Variants in POU2F3 observed in about 807,000 individuals in gnomAD.
POU2F3 encodes the protein POU domain, class 2, transcription factor 3.
In POU2F3, 23 loss-of-function variants were observed where a neutral mutation model predicts 59.2. The observed-to-expected ratio is 0.39, with a 90% CI of 0.28 to 0.55. The LOEUF (loss-of-function observed/expected upper bound fraction) is 0.55. Ranked by LOEUF, POU2F3 falls within the 20% of genes least tolerant of loss-of-function variation. POU2F3 has a pLI of 0.66. For missense variants in POU2F3, 473 were observed against 544.5 expected, an observed-to-expected ratio of 0.87 and a Z score of 1.31; for synonymous variants, 190 against 214.6, an observed-to-expected ratio of 0.89 and a Z score of 1.00.
chr11:120,241,843 C>T (rs796436137), intron 1 of POU2F3, among the ~76,000 whole-genome samples: 7 of 152,146 alleles, frequency 4.6e-5, no homozygotes, highest in African/African-American at 1.4e-4. Flanking sequence ...AGGGAGGCAG[C>T]CTGGGGCCTC....
Position 120,246,501 on chromosome 11 carries a change from C to T in POU2F3, c.81C>T (p.Leu27=), listed in dbSNP as rs1459831255. ...ATTCCACGGATGCTCGCAGCACTCT[C>T]AGCCAGGTGGAGCCAGGTAAGGGTC... ...VADSTDARST[L]SQVEPGNDRN... is the part of the protein sequence containing the mutation. The change falls in exon 2 of 13, where the codon CTC becomes CTT. Residue 27 remains leucine, a synonymous_variant. Transcript: ENST00000543440. 4.3e-6 allele frequency: 7 copies of T among 1,613,344 alleles called. No individual in the cohort carries two copies. The East Asian group carries it at 1.6e-4, about 36-fold the overall frequency.
chr11:120,272,566 G>C (rs1291520950), intron 3 of POU2F3, among the ~76,000 whole-genome samples: 1 of 152,256 alleles, frequency 6.6e-6, no homozygotes, highest in African/African-American at 2.4e-5. Flanking sequence ...TGCCCTGGGT[G>C]AAGCTCCTGT....
chr11:120,314,198 T>C (rs188019003), intron 10 of POU2F3, among the ~76,000 whole-genome samples: 20 of 152,272 alleles, frequency 1.3e-4, no homozygotes, highest in African/African-American at 4.6e-4. Flanking sequence ...GAAAAGTAAA[T>C]GAAAACAGGA....
chr11:120,286,721 A>C (rs1166899044), intron 3 of POU2F3, among the ~76,000 whole-genome samples: 1 of 152,118 alleles, frequency 6.6e-6, no homozygotes, highest in Non-Finnish European at 1.5e-5. Context: ...TTGTTGTCTC[A>C]ACTTGTGCAG....
intron 2 of POU2F3, among the ~76,000 whole-genome samples, chr11:120,262,797 T>C (rs560639038): frequency 6.6e-6 from 1 of 152,314 alleles, no homozygotes; most frequent in Admixed American, 6.5e-5. Context: ...CTGCTTTAGC[T>C]GACTATCCAA....
chr11:120,313,968 C>T (rs953742695), intron 10 of POU2F3, among the ~76,000 whole-genome samples: 2 of 152,118 alleles, frequency 1.3e-5, no homozygotes, highest in Admixed American at 6.5e-5. Flanking sequence ...GAACCGTGAT[C>T]GTGCCATTGC....
At chr11:120,297,877 C>T (rs1941232648) in intron 3 of POU2F3, among the ~76,000 whole-genome samples, 1 of 151,840 alleles carries the variant, frequency 6.6e-6, no homozygotes, top group Non-Finnish European at 1.5e-5. Context: ...CTCAAATGAT[C>T]CTCCTATCTC....
chr11:120,263,631 G>A (rs956617932), intron 2 of POU2F3, among the ~76,000 whole-genome samples: 9 of 152,230 alleles, frequency 5.9e-5, no homozygotes, highest in African/African-American at 1.9e-4. Context: ...TGTGAGTTTG[G>A]TAGTTAAGAA....
Position 120,302,387 on chromosome 11 carries a change from C to A in POU2F3, c.444+19C>A. The A allele has an allele frequency of 6.4e-7, 1 of 1,564,708 alleles. No homozygotes were observed. Among genetic ancestry groups the A allele is most frequent in the South Asian group, 1.1e-5 (1 of 89,850 alleles). The stretch of plus-strand genomic sequence containing the variant: ...ATCCCAGGTAAACAACCCCATTCTT[C>A]CTGTTTCCTCTAGGAATGTCTCAGC... On this transcript the variant is annotated intron_variant, in intron 6 of 12. Transcript: ENST00000543440.
intron 1 of POU2F3, among the ~76,000 whole-genome samples, chr11:120,243,149 A>G (rs1938733369): frequency 6.6e-6 from 1 of 152,102 alleles, no homozygotes; most frequent in Non-Finnish European, 1.5e-5. Context: ...TCTGGCGGAG[A>G]GTTGGAGCCT....
At chr11:120,284,005 C>T (rs1940683803) in intron 3 of POU2F3, among the ~76,000 whole-genome samples, 1 of 151,930 alleles carries the variant, frequency 6.6e-6, no homozygotes, top group African/African-American at 2.4e-5. Flanking sequence ...TGGTAAAACC[C>T]CATCTCTACT....
At chr11:120,298,541 C>T (rs951609454) in intron 4 of POU2F3, 151 bp downstream of exon 4, 10 of 1,108,938 alleles carry the variant, frequency 9.0e-6, no homozygotes, top group Non-Finnish European at 1.3e-5. Context: ...CTAAAACAGT[C>T]CTCTTACAGG....
intron 3 of POU2F3, among the ~76,000 whole-genome samples, chr11:120,294,939 A>G (rs1437372848): frequency 6.6e-6 from 1 of 152,238 alleles, no homozygotes; most frequent in Non-Finnish European, 1.5e-5. Context: ...AAGGAACCGT[A>G]AAGAAGATAA....
At position 120,285,053 on chromosome 11, in the gene POU2F3, G is replaced by A. The variant is rs1054333420; in HGVS notation, c.133-13212G>A. On this transcript the variant is annotated intron_variant, in intron 3 of 12. Coordinates refer to ENST00000543440, the MANE Select transcript of POU2F3 (RefSeq NM_014352.4). The surrounding 1 kb of genome is among the most constrained non-coding windows in gnomAD (Gnocchi z 4.3). The stretch of plus-strand genomic sequence containing the variant: ...TATCGTTCAAGATTTTGCATTTTTG[G>A]TGTTAAAATATTTAGTGCACGTAAT... Among the ~76,000 whole-genome samples the A allele has an allele frequency of 6.6e-6, 1 of 152,062 alleles. No individual in the cohort carries two copies. Among genetic ancestry groups the A allele is most frequent in the African/African-American group, 2.4e-5 (1 of 41,394 alleles).
chr11:120,304,971 A>T (rs1282450629), intron 6 of POU2F3, 59 bp from the exon 7 acceptor site: 1 of 991,256 alleles, frequency 1.0e-6, no homozygotes, highest in Non-Finnish European at 1.4e-6. Context: ...AAAAAAAAAA[A>T]TCAGAAAATG....
chr11:120,293,502 T>C (rs1403643300), intron 3 of POU2F3, among the ~76,000 whole-genome samples: 2 of 151,928 alleles, frequency 1.3e-5, no homozygotes, highest in South Asian at 4.2e-4. Flanking sequence ...GGGAGAAGTG[T>C]AGAAAGGGGG....
rs1940742838 is a variant in POU2F3, at chr11:120,285,401, G to C, written c.133-12864G>C. Among the ~76,000 whole-genome samples, 1 of 152,146 alleles carries C rather than the reference G, an allele frequency of 6.6e-6. No individual in the cohort carries two copies. The highest frequency in any genetic ancestry group is 1.5e-5 in the Non-Finnish European group (1 of 68,030). On this transcript the variant is annotated intron_variant, in intron 3 of 12. Transcript: ENST00000543440. The surrounding 1 kb of genome is among the most constrained non-coding windows in gnomAD (Gnocchi z 4.3). ...TCTGCCCGCTTCTGTTTCAGGGCCT[G>C]TGTCTGTCCCAATCACATGGCAGCC...
At chr11:120,236,778 A>G, upstream of POU2F3, 2 of 1,374,712 alleles carry the variant, frequency 1.5e-6, no homozygotes, top group Non-Finnish European at 2.0e-6. Context: ...TCTGAGAGAG[A>G]AGGAATAAAG....
At chr11:120,268,928 A>T (rs1295033335) in intron 2 of POU2F3, among the ~76,000 whole-genome samples, 1 of 152,118 alleles carries the variant, frequency 6.6e-6, no homozygotes, top group Non-Finnish European at 1.5e-5. Flanking sequence ...TCCAGTTGGC[A>T]TGGCCAGCTG....
Sources: allele counts gnomAD v4.1 joint callset (sites outside exome capture counted in the v4.1 genomes callset), GRCh38; gene constraint gnomAD v4.1.1; non-coding constraint Gnocchi (gnomAD v3.1); transcripts MANE v1.5; gene names NCBI Gene and HGNC (gene_info 2026-07-23, HGNC 2026-07-21).